CAMTA1: variants seen among roughly 807,000 people sequenced by gnomAD.
CAMTA1 encodes the protein calmodulin binding transcription activator 1, also known as calmodulin-binding transcription activator 1.
In CAMTA1, 27 loss-of-function variants were observed where a neutral mutation model predicts 170.9. The ratio of observed to expected loss-of-function variants is 0.16; its 90% CI spans 0.12 to 0.22. The LOEUF is 0.22. Among genes scored for constraint, CAMTA1 ranks in the 10% least tolerant of loss-of-function variants. The probability of loss-of-function intolerance (pLI) is 1.00; values close to 1 mark genes in which losing one functional copy is unlikely to be tolerated. For synonymous variants in CAMTA1, 833 were observed against 891.5 expected (o/e 0.93, Z 1.17); for missense variants, 1,619 against 2,217.2 (o/e 0.73, Z 5.42).
intron 5 of CAMTA1, among the ~76,000 whole-genome samples, chr1:7,407,891 T>C (rs2090414705): frequency 6.6e-6 from 1 of 152,136 alleles, no homozygotes; most frequent in Non-Finnish European, 1.5e-5. Context: ...ATCCCATTTT[T>C]ACCTTGGCCT....
chr1:7,139,327 A>T lies in CAMTA1; in HGVS notation c.302+47956A>T, dbSNP rs944106753. ...TATATAATATATATTTATATTATAAATATTATAAATCTATGGTATATAAAT... is the reference window on the plus strand; with the variant it reads ...TATATAATATATATTTATATTATAATTATTATAAATCTATGGTATATAAAT... On this transcript the variant is annotated intron_variant, in intron 4 of 22. Coordinates refer to ENST00000303635, the MANE Select transcript of CAMTA1 (RefSeq NM_015215.4). Among the ~76,000 whole-genome samples, 7 of 119,046 alleles carry T rather than the reference A, an allele frequency of 5.9e-5. No individual in the cohort carries two copies. The Admixed American group carries it at 6.4e-4, about 11-fold the overall frequency. 78.1% of individuals were successfully genotyped at this position (119,046 alleles called of 152,430 possible). A position where few individuals can be genotyped will look rare whatever the true frequency, so the allele number is the denominator to read the frequency against.
intron 5 of CAMTA1, among the ~76,000 whole-genome samples, chr1:7,462,147 G>A (rs973510044): frequency 1.3e-5 from 2 of 152,226 alleles, no homozygotes; most frequent in Non-Finnish European, 2.9e-5. Flanking sequence ...TTATTTTTGA[G>A]ACAGAGTTTC....
chr1:6,984,289 A>G (rs187511114), intron 3 of CAMTA1, among the ~76,000 whole-genome samples: 133 of 152,040 alleles, frequency 8.7e-4, no homozygotes, highest in Middle Eastern at 6.8e-3. Flanking sequence ...GTAAAAGTGC[A>G]TAAAGGGGTT....
intron 6 of CAMTA1, among the ~76,000 whole-genome samples, chr1:7,625,751 G>A (rs1446452634): frequency 3.9e-5 from 6 of 152,236 alleles, no homozygotes; most frequent in Admixed American, 3.3e-4. Context: ...TCAGGATGTC[G>A]AGCCCCACTG....
chr1:7,406,718 C>T (rs1259511027), intron 5 of CAMTA1, among the ~76,000 whole-genome samples: 1 of 152,132 alleles, frequency 6.6e-6, no homozygotes, highest in Non-Finnish European at 1.5e-5. Context: ...AAGGGGACTA[C>T]TTCCTAAGGC....
chr1:7,705,117 C>T (rs2096497520), intron 11 of CAMTA1, among the ~76,000 whole-genome samples: 1 of 150,254 alleles, frequency 6.7e-6, no homozygotes, highest in Admixed American at 6.6e-5. Flanking sequence ...CAGGGAGGGG[C>T]CACGAGGGTG....
intron 3 of CAMTA1, among the ~76,000 whole-genome samples, chr1:6,910,443 G>T (rs1276283843): frequency 2.6e-5 from 4 of 152,236 alleles, no homozygotes; most frequent in Non-Finnish European, 5.9e-5. Flanking sequence ...ACGTAACTTT[G>T]CAGGGTTCAT....
intron 5 of CAMTA1, among the ~76,000 whole-genome samples, chr1:7,449,046 A>G (rs1408913443): frequency 6.6e-6 from 1 of 152,240 alleles, no homozygotes; most frequent in Non-Finnish European, 1.5e-5. Flanking sequence ...GTGGGGCGCC[A>G]TGGGCTGGAG....
chr1:7,176,750 A>G (rs6680365), intron 4 of CAMTA1, among the ~76,000 whole-genome samples: 88,705 of 152,024 alleles, frequency 0.58, 26,121 homozygotes, highest in Non-Finnish European at 0.6. Context: ...ATAGTAAAGC[A>G]ATGACAATGT....
At chr1:7,133,669 G>A (rs571275323) in intron 4 of CAMTA1, among the ~76,000 whole-genome samples, 1 of 152,270 alleles carries the variant, frequency 6.6e-6, no homozygotes, top group Admixed American at 6.5e-5. Flanking sequence ...ATCATAGGTA[G>A]CAGCAGACGT....
intron 3 of CAMTA1, among the ~76,000 whole-genome samples, chr1:6,842,884 A>G (rs1656449557): frequency 6.6e-6 from 1 of 152,022 alleles, no homozygotes; most frequent in African/African-American, 2.4e-5. Flanking sequence ...AGGTCGTGCC[A>G]TTGCACTCCA....
intron 3 of CAMTA1, among the ~76,000 whole-genome samples, chr1:7,090,068 C>A (rs902788620): frequency 6.6e-6 from 1 of 152,194 alleles, no homozygotes; most frequent in Non-Finnish European, 1.5e-5. Flanking sequence ...GGCTTCCGGA[C>A]AGAGGTGGCT....
intron 11 of CAMTA1, among the ~76,000 whole-genome samples, chr1:7,715,551 G>T (rs1409258508): frequency 6.6e-6 from 1 of 151,818 alleles, no homozygotes; most frequent in African/African-American, 2.4e-5. Context: ...TCCCACCTCA[G>T]CCTCCCAAAG....
intron 6 of CAMTA1, among the ~76,000 whole-genome samples, chr1:7,551,091 C>T (rs1391636085): frequency 2.0e-5 from 3 of 152,138 alleles, no homozygotes; most frequent in Non-Finnish European, 2.9e-5. Context: ...CCAGTGTGAC[C>T]TTCACCCTCA....
intron 3 of CAMTA1, among the ~76,000 whole-genome samples, chr1:6,877,351 C>T (rs1284169162): frequency 1.3e-5 from 2 of 152,120 alleles, no homozygotes; most frequent in Admixed American, 1.3e-4. Flanking sequence ...AGGTGTCCAT[C>T]CTGATGGTGT....
intron 6 of CAMTA1, among the ~76,000 whole-genome samples, chr1:7,557,117 G>A (rs1441506177): frequency 1.3e-5 from 2 of 152,022 alleles, no homozygotes; most frequent in Non-Finnish European, 2.9e-5. Context: ...AGACCAGCCT[G>A]GGCAACATGG....
intron 3 of CAMTA1, among the ~76,000 whole-genome samples, chr1:6,948,377 C>T (rs922426021): frequency 6.6e-6 from 1 of 152,190 alleles, no homozygotes; most frequent in Non-Finnish European, 1.5e-5. Context: ...TCTCTGTGTA[C>T]CGGCTGCTTC....
At chr1:7,518,368 G>A (rs1431871650) in intron 6 of CAMTA1, among the ~76,000 whole-genome samples, 1 of 151,780 alleles carries the variant, frequency 6.6e-6, no homozygotes, top group Non-Finnish European at 1.5e-5. Context: ...CTCCATCCTG[G>A]GCCTGACCCC....
intron 3 of CAMTA1, among the ~76,000 whole-genome samples, chr1:6,926,526 T>C (rs1387051020): frequency 4.8e-5 from 7 of 145,122 alleles, no homozygotes; most frequent in Non-Finnish European, 7.5e-5. Flanking sequence ...CCTTCTTTCT[T>C]TCTCTCTCTC....
Sources: gnomAD v4.1 joint callset for allele counts (sites outside exome capture counted in the v4.1 genomes callset) on GRCh38, gnomAD v4.1.1 for gene constraint, MANE v1.5 for transcripts, NCBI Gene and HGNC (gene_info 2026-07-23, HGNC 2026-07-21) for gene names.